PRKCE: variants seen among roughly 807,000 people sequenced by gnomAD.
PRKCE encodes protein kinase C epsilon.
In PRKCE, 16 loss-of-function variants were observed where a neutral mutation model predicts 85.4. The ratio of observed to expected loss-of-function variants is 0.19; its 90% CI spans 0.13 to 0.28. PRKCE has a LOEUF of 0.28. Ranked by LOEUF, PRKCE falls within the 10% of genes least tolerant of loss-of-function variation. PRKCE has a pLI of 1.00. For missense variants in PRKCE, 573 were observed against 975.2 expected, an observed-to-expected ratio of 0.59 and a Z score of 5.49; for synonymous variants, 388 against 371.5, an observed-to-expected ratio of 1.04 and a Z score of -0.51.
At chr2:45,925,809 G>GCCAGAGTT (rs1558842132) in intron 2 of PRKCE, among the ~76,000 whole-genome samples, 1 of 152,208 alleles carries the variant, frequency 6.6e-6, no homozygotes, top group Non-Finnish European at 1.5e-5. Context: ...TTCAATCATC[G>GCCAGAGTT]TGGGCTGGGC....
intron 2 of PRKCE, among the ~76,000 whole-genome samples, chr2:45,952,338 G>A (rs561257122): frequency 1.3e-4 from 20 of 152,318 alleles, no homozygotes; most frequent in East Asian, 7.7e-4. Flanking sequence ...CCTCGCAAGC[G>A]TACATAAGTC....
At chr2:45,974,662 G>A (rs554508165) in intron 2 of PRKCE, among the ~76,000 whole-genome samples, 1 of 152,274 alleles carries the variant, frequency 6.6e-6, no homozygotes, top group South Asian at 2.1e-4. Context: ...ATAACAAGAT[G>A]CCCTTGGATT....
intron 10 of PRKCE, among the ~76,000 whole-genome samples, chr2:46,027,464 A>G (rs1269214841): frequency 6.6e-6 from 1 of 152,220 alleles, no homozygotes; most frequent in Non-Finnish European, 1.5e-5. Flanking sequence ...GCCAGCAACC[A>G]TGTTCTATCT....
At chr2:46,132,052 G>T (rs1411883070) in intron 11 of PRKCE, among the ~76,000 whole-genome samples, 1 of 152,052 alleles carries the variant, frequency 6.6e-6, no homozygotes, top group Non-Finnish European at 1.5e-5. Flanking sequence ...ATAAGTAAGG[G>T]CACGTGACTT....
chr2:45,972,395 A>G (rs1702168404), intron 2 of PRKCE, among the ~76,000 whole-genome samples: 1 of 152,068 alleles, frequency 6.6e-6, no homozygotes, highest in African/African-American at 2.4e-5. Context: ...TTTGCAAATG[A>G]TTTTTTTCCA....
chr2:45,975,965 G>A (rs983130628), intron 2 of PRKCE, among the ~76,000 whole-genome samples: 9 of 152,184 alleles, frequency 5.9e-5, no homozygotes, highest in African/African-American at 1.4e-4. Flanking sequence ...ATCTCATTGC[G>A]TCCTCTAAGC....
At chr2:46,006,557 A>G (rs904959214) in intron 8 of PRKCE, among the ~76,000 whole-genome samples, 5 of 152,232 alleles carry the variant, frequency 3.3e-5, no homozygotes, top group African/African-American at 1.2e-4. Context: ...CCCAAGGGTT[A>G]ATAGGCTATG....
intron 1 of PRKCE, among the ~76,000 whole-genome samples, chr2:45,778,608 G>T (rs1382828729): frequency 6.6e-6 from 1 of 152,108 alleles, no homozygotes; most frequent in Admixed American, 6.6e-5. Context: ...TTCATTATTG[G>T]TTTTTAGCGG....
chr2:45,847,312 T>A (rs914630010), intron 2 of PRKCE, among the ~76,000 whole-genome samples: 1 of 152,206 alleles, frequency 6.6e-6, no homozygotes, highest in Non-Finnish European at 1.5e-5. Flanking sequence ...GTGGTCCCCA[T>A]CCTCTCACCA....
At chr2:45,915,250 A>C (rs1368667856) in intron 2 of PRKCE, among the ~76,000 whole-genome samples, 1 of 152,198 alleles carries the variant, frequency 6.6e-6, no homozygotes, top group African/African-American at 2.4e-5. Context: ...TTGCAAAATA[A>C]TATAATGAAG....
chr2:45,672,057 CCT>C (rs1281559847), intron 1 of PRKCE, among the ~76,000 whole-genome samples: 1 of 130,680 alleles, frequency 7.7e-6, no homozygotes, highest in Non-Finnish European at 1.7e-5. Context: ...AGTGAGACCC[CCT>C]GTCTCAAAAA....
chr2:45,787,022 C>G (rs1201882314), intron 1 of PRKCE, among the ~76,000 whole-genome samples: 1 of 152,210 alleles, frequency 6.6e-6, no homozygotes, highest in East Asian at 1.9e-4. Flanking sequence ...TCCGATGATC[C>G]TATGGGTTTG....
chr2:46,137,505 CTT>C (rs1675114524), intron 11 of PRKCE, among the ~76,000 whole-genome samples: 3 of 151,430 alleles, frequency 2.0e-5, no homozygotes, highest in Non-Finnish European at 4.4e-5. Context: ...AATCCTAGCA[CTT>C]CGGGAGGCCA....
rs563524151 is a variant in PRKCE at position 45,827,374 on chromosome 2, C to G, written c.349-15626C>G. 2.0e-5 allele frequency among the ~76,000 whole-genome samples: 3 copies of G among 152,336 alleles called. No homozygotes were observed. The South Asian group carries it at 6.2e-4, about 32-fold the overall frequency. Reference sequence around the variant, plus strand: ...TCTATTCTGACATTCAGAGCTTGAACAGTTTTCAGATCCTTTCTGCTGTGT... The same window carrying G: ...TCTATTCTGACATTCAGAGCTTGAAGAGTTTTCAGATCCTTTCTGCTGTGT... On this transcript the variant is annotated intron_variant, in intron 1 of 14. Coordinates refer to ENST00000306156, the MANE Select transcript of PRKCE (RefSeq NM_005400.3).
At chr2:45,831,037 C>T (rs1690379837) in intron 1 of PRKCE, among the ~76,000 whole-genome samples, 1 of 152,220 alleles carries the variant, frequency 6.6e-6, no homozygotes, top group Middle Eastern at 3.2e-3. Context: ...CAGAGAGCGT[C>T]AGCTCAGATC....
At chr2:45,814,050 C>T (rs561699662) in intron 1 of PRKCE, among the ~76,000 whole-genome samples, 12 of 152,256 alleles carry the variant, frequency 7.9e-5, no homozygotes, top group African/African-American at 2.9e-4. Context: ...GGTCCCCCCT[C>T]CCCCTCCCGC....
intron 1 of PRKCE, among the ~76,000 whole-genome samples, chr2:45,728,534 T>C (rs1426712897): frequency 6.6e-6 from 1 of 152,140 alleles, no homozygotes; most frequent in African/African-American, 2.4e-5. Context: ...TTGGGTGTCA[T>C]TTTATATTAC....
At chr2:45,967,358 A>C (rs1701801137) in intron 2 of PRKCE, among the ~76,000 whole-genome samples, 1 of 152,098 alleles carries the variant, frequency 6.6e-6, no homozygotes, top group African/African-American at 2.4e-5. Flanking sequence ...TGGTCCTTAC[A>C]CTATCAATTT....
At chr2:45,767,110 C>T (rs563909096) in intron 1 of PRKCE, among the ~76,000 whole-genome samples, 36 of 151,984 alleles carry the variant, frequency 2.4e-4, no homozygotes, top group Admixed American at 1.6e-3. Context: ...CTACTTTGGT[C>T]TTTGCGTTTG....
Sources: allele counts gnomAD v4.1 joint callset (sites outside exome capture counted in the v4.1 genomes callset), GRCh38; gene constraint gnomAD v4.1.1; transcripts MANE v1.5; gene names NCBI Gene and HGNC (gene_info 2026-07-23, HGNC 2026-07-21).